Variants in SLC30A7 observed in about 807,000 individuals in gnomAD.
SLC30A7 encodes solute carrier family 30 member 7.
In SLC30A7, 35 loss-of-function variants were observed where a neutral mutation model predicts 46.0. That is an observed-to-expected ratio of 0.76 (90% CI 0.58 to 1.01). The LOEUF (loss-of-function observed/expected upper bound fraction) is 1.01. Among genes scored for constraint, SLC30A7 ranks in the 50% least tolerant of loss-of-function variants. SLC30A7 has a pLI of 0.00. For missense variants in SLC30A7, 464 were observed against 451.1 expected, an observed-to-expected ratio of 1.03 and a Z score of -0.26; for synonymous variants, 147 against 157.8, an observed-to-expected ratio of 0.93 and a Z score of 0.51.
chr1:100,951,642 A>C (rs1271051002), intron 8 of SLC30A7, among the ~76,000 whole-genome samples: 1 of 152,158 alleles, frequency 6.6e-6, no homozygotes, highest in Non-Finnish European at 1.5e-5. Flanking sequence ...CGTGCTGCTC[A>C]GCCTGCCTGC....
At chr1:100,988,006 A>C in the SLC30A7 span, among the ~76,000 whole-genome samples, 1 of 152,162 alleles carries the variant, frequency 6.6e-6, no homozygotes, top group Non-Finnish European at 1.5e-5. Context: ...CTTCTATTGC[A>C]ATAGAAAACA....
rs888733291 is a variant in SLC30A7, at chr1:100,934,668, CTA to C, written c.842+12841_842+12842del. Among the ~76,000 whole-genome samples, 559 of 148,064 alleles carry C rather than the reference CTA, an allele frequency of 3.8e-3. 2 individuals carry two copies. Among genetic ancestry groups the C allele is most frequent in the African/African-American group, 8.2e-3 (332 of 40,584 alleles). ...AGATTATCTGTATCTATATCAATAC[CTA>C]TATATATATATATTTATATATATAA... On this transcript the variant is annotated intron_variant, in intron 8 of 10. Coordinates refer to ENST00000357650, the MANE Select transcript of SLC30A7 (RefSeq NM_133496.5).
At chr1:100,898,232 ACT>A (rs1465566236) in intron 2 of SLC30A7, among the ~76,000 whole-genome samples, 2 of 152,136 alleles carry the variant, frequency 1.3e-5, no homozygotes, top group African/African-American at 2.4e-5. Context: ...TACATAAGTC[ACT>A]CTGTGAAATA....
At chr1:100,920,188 G>A (rs1010975956) in intron 7 of SLC30A7, among the ~76,000 whole-genome samples, 1 of 151,788 alleles carries the variant, frequency 6.6e-6, no homozygotes, top group Non-Finnish European at 1.5e-5. Flanking sequence ...TTCTTTTCAT[G>A]TTTAGAGTTA....
At chr1:100,951,332 G>C (rs1052454416) in intron 8 of SLC30A7, among the ~76,000 whole-genome samples, 1 of 152,080 alleles carries the variant, frequency 6.6e-6, no homozygotes, top group African/African-American at 2.4e-5. Context: ...AGGGAATCAG[G>C]TTAAAGGAAT....
chr1:100,902,595 A>G (rs1651377887), intron 2 of SLC30A7, among the ~76,000 whole-genome samples: 2 of 152,142 alleles, frequency 1.3e-5, no homozygotes, highest in South Asian at 4.1e-4. Context: ...AAGTGTCATC[A>G]GGGTTGATTT....
In SLC30A7 at chr1:100,981,200, T is replaced by A. The variant is rs1656912290; in HGVS notation, c.*6343T>A. ...CATACTGTGCTACAGTTAGCCTCAA[T>A]GAAGATTCTATTTTGAACTAGACAT... On this transcript the variant is annotated 3_prime_UTR_variant, in exon 11 of 11. Transcript: ENST00000357650. The A allele has an allele frequency of 6.6e-6, 1 of 152,156 alleles. No homozygotes were observed. The highest frequency in any genetic ancestry group is 1.5e-5 in the Non-Finnish European group (1 of 67,974). 9.4% of individuals were successfully genotyped at this position (152,156 alleles called of 1,614,324 possible).
intron 5 of SLC30A7, 81 bp downstream of exon 5, chr1:100,912,319 A>G (rs531979049): frequency 1.4e-6 from 2 of 1,464,452 alleles, no homozygotes; most frequent in East Asian, 4.5e-5. Context: ...ATTAAGTTAA[A>G]CTATACTGAT....
chr1:100,962,459 G>A (rs1186221473), intron 9 of SLC30A7, among the ~76,000 whole-genome samples: 1 of 152,222 alleles, frequency 6.6e-6, no homozygotes, highest in African/African-American at 2.4e-5. Context: ...GAAAGAGCTA[G>A]CCATATGAAA....
chr1:100,972,772 AT>A (rs1182277213), intron 10 of SLC30A7: 1 of 152,112 alleles, frequency 6.6e-6, no homozygotes, highest in Non-Finnish European at 1.5e-5. Flanking sequence ...AATCTTAATA[AT>A]TTGTTTGTAA....
the SLC30A7 span, among the ~76,000 whole-genome samples, chr1:100,993,547 G>T: frequency 1.4e-5 from 1 of 73,282 alleles, no homozygotes; most frequent in Non-Finnish European, 2.8e-5. Context: ...GCAAGACTCT[G>T]TCGAAAATAT....
At chr1:100,939,809 A>G (rs1654237132) in intron 8 of SLC30A7, among the ~76,000 whole-genome samples, 1 of 151,830 alleles carries the variant, frequency 6.6e-6, no homozygotes, top group Non-Finnish European at 1.5e-5. Flanking sequence ...AGATCGTGCC[A>G]CTGCACTCCA....
At chr1:100,941,775 C>T (rs768168146) in intron 8 of SLC30A7, 36 of 618,452 alleles carry the variant, frequency 5.8e-5, no homozygotes, top group South Asian at 2.0e-4. Flanking sequence ...CAGTGGCATA[C>T]GTGACAAACC....
At chr1:100,982,136 T>TGCG (rs1558020605), downstream of SLC30A7, among the ~76,000 whole-genome samples, 4 of 152,336 alleles carry the variant, frequency 2.6e-5, no homozygotes, top group South Asian at 6.2e-4. Flanking sequence ...TCTGATTAGA[T>TGCG]GCAATTCTTT....
At chr1:100,927,227 C>T (rs890481806) in intron 8 of SLC30A7, among the ~76,000 whole-genome samples, 6 of 151,874 alleles carry the variant, frequency 4.0e-5, no homozygotes, top group Admixed American at 3.3e-4. Flanking sequence ...ATTCTGAGAC[C>T]GAGTATTGAT....
rs180969358 is a variant in SLC30A7, at chr1:100,945,324, C to A, written c.843-16504C>A. 6.7e-3 allele frequency among the ~76,000 whole-genome samples: 1,025 copies of A among 152,214 alleles called. 18 individuals carry two copies. The highest frequency in any genetic ancestry group is 0.022 in the African/African-American group (894 of 41,512). On this transcript the variant is annotated intron_variant, in intron 8 of 10. Coordinates refer to ENST00000357650, the MANE Select transcript of SLC30A7 (RefSeq NM_133496.5). Reference sequence around the variant, plus strand: ...CATTTGTCTCTTTTGGCTTTTGTTGCCATTGCTTTTGGTGTTTTAGTCATG... The same window carrying A: ...CATTTGTCTCTTTTGGCTTTTGTTGACATTGCTTTTGGTGTTTTAGTCATG...
At chr1:100,982,256 T>A (rs547654325), downstream of SLC30A7, among the ~76,000 whole-genome samples, 1 of 152,358 alleles carries the variant, frequency 6.6e-6, no homozygotes, top group African/African-American at 2.4e-5. Context: ...CTGCCATACT[T>A]CAAGGCTTTA....
intron 8 of SLC30A7, among the ~76,000 whole-genome samples, chr1:100,952,849 C>T (rs1191634313): frequency 1.3e-5 from 2 of 152,120 alleles, no homozygotes; most frequent in East Asian, 3.8e-4. Flanking sequence ...AGCTCTATTA[C>T]CATATTGTGA....
chr1:100,918,633 C>T (rs1303170695), intron 7 of SLC30A7, among the ~76,000 whole-genome samples: 2 of 152,282 alleles, frequency 1.3e-5, no homozygotes, highest in East Asian at 1.9e-4. Flanking sequence ...ACCTACCGAA[C>T]ATCATAGTTT....
Sources: allele counts gnomAD v4.1 joint callset (sites outside exome capture counted in the v4.1 genomes callset), GRCh38; gene constraint gnomAD v4.1.1; transcripts MANE v1.5; gene names NCBI Gene and HGNC (gene_info 2026-07-23, HGNC 2026-07-21).